The following DIAPH2 variants were observed in gnomAD, a reference collection of about 807,000 sequenced individuals.
The protein encoded by DIAPH2 is diaphanous related formin 2, also known as protein diaphanous homolog 2.
A neutral mutation model predicts 92.7 loss-of-function variants in DIAPH2; 35 were observed. That is an observed-to-expected ratio of 0.38 (90% CI 0.29 to 0.50). DIAPH2 has a LOEUF of 0.50. Among genes scored for constraint, DIAPH2 ranks in the 20% least tolerant of loss-of-function variants. DIAPH2 has a pLI of 0.94. For synonymous variants in DIAPH2, 301 were observed against 280.4 expected (o/e 1.07, Z -0.73); for missense variants, 701 against 819.5 (o/e 0.86, Z 1.77).
At chrX:97,459,444 A>G (rs1204038801) in intron 26 of DIAPH2, among the ~76,000 whole-genome samples, 1 of 112,251 alleles carries the variant, frequency 8.9e-6, no homozygotes, top group African/African-American at 3.2e-5. Context: ...TTTGAGAACT[A>G]TATGAGTTAA....
intron 4 of DIAPH2, among the ~76,000 whole-genome samples, chrX:96,820,338 T>C (rs1455920715): frequency 2.7e-5 from 3 of 111,216 alleles, no homozygotes; most frequent in Non-Finnish European, 3.8e-5. Flanking sequence ...GGCATGGCGG[T>C]GCACGCCTGT....
At chrX:96,886,833 G>C (rs1194411071) in intron 5 of DIAPH2, among the ~76,000 whole-genome samples, 1 of 110,585 alleles carries the variant, frequency 9.0e-6, no homozygotes, top group African/African-American at 3.3e-5. Flanking sequence ...ATAATTGCTT[G>C]AGCTGATTCA....
intron 21 of DIAPH2, among the ~76,000 whole-genome samples, chrX:97,139,476 G>A (rs1476382019): frequency 9.4e-6 from 1 of 106,234 alleles, no homozygotes; most frequent in Non-Finnish European, 1.9e-5. Flanking sequence ...AACAAATATT[G>A]CAATACATTA....
At chrX:97,438,815 T>A (rs1027613625) in intron 26 of DIAPH2, among the ~76,000 whole-genome samples, 3 of 112,269 alleles carry the variant, frequency 2.7e-5, no homozygotes, top group Admixed American at 9.4e-5. Flanking sequence ...CAGGAAACGC[T>A]AGACACACCA....
intron 17 of DIAPH2, among the ~76,000 whole-genome samples, chrX:97,031,936 T>C (rs893673585): frequency 4.5e-5 from 5 of 111,675 alleles, no homozygotes; most frequent in African/African-American, 1.6e-4. Context: ...CATTGAGGCA[T>C]GTGTTAAGGT....
chrX:97,063,592 T>A (rs1009561098), intron 17 of DIAPH2, among the ~76,000 whole-genome samples: 6 of 112,166 alleles, frequency 5.3e-5, no homozygotes, highest in African/African-American at 1.9e-4. Flanking sequence ...AGATAATTGA[T>A]CCCTGTAGGA....
At chrX:97,008,879 G>A (rs144561682) in intron 17 of DIAPH2, among the ~76,000 whole-genome samples, 2,804 of 111,273 alleles carry the variant, frequency 0.025, 100 homozygotes, top group African/African-American at 0.087. Flanking sequence ...AGACCTGAAG[G>A]CAGCAGAACA....
chrX:97,164,218 G>A (rs190266067), intron 22 of DIAPH2, among the ~76,000 whole-genome samples: 243 of 111,843 alleles, frequency 2.2e-3, no homozygotes, highest in Non-Finnish European at 4.2e-3. Context: ...AATACATGAA[G>A]TACAATGAAA....
chrX:96,831,554 T>C (rs1463094119), intron 4 of DIAPH2, among the ~76,000 whole-genome samples: 1 of 112,329 alleles, frequency 8.9e-6, no homozygotes, highest in African/African-American at 3.2e-5. Flanking sequence ...GATAATAAAA[T>C]GAACTTAACA....
intron 26 of DIAPH2, among the ~76,000 whole-genome samples, chrX:97,514,541 C>T (rs1473886241): frequency 7.1e-5 from 8 of 112,031 alleles, no homozygotes; most frequent in African/African-American, 2.0e-4. Context: ...AGCTTTGTTC[C>T]GTTGCTGGTG....
chrX:97,307,922 A>G (rs969304074), intron 23 of DIAPH2, among the ~76,000 whole-genome samples: 8 of 108,610 alleles, frequency 7.4e-5, no homozygotes, highest in African/African-American at 2.0e-4. Context: ...AAAAAAAAAA[A>G]AAAAGAAAAA....
At chrX:97,275,043 T>C (rs907097199) in intron 23 of DIAPH2, among the ~76,000 whole-genome samples, 5 of 112,056 alleles carry the variant, frequency 4.5e-5, no homozygotes, top group Non-Finnish European at 7.5e-5. Context: ...TCCACTTCTT[T>C]CTACACAGAC....
At chrX:97,120,300 A>G (rs2067047045) in intron 21 of DIAPH2, among the ~76,000 whole-genome samples, 1 of 109,918 alleles carries the variant, frequency 9.1e-6, no homozygotes, top group African/African-American at 3.3e-5. Flanking sequence ...TTCTCCCTCA[A>G]ACTAGACCTT....
intron 23 of DIAPH2, among the ~76,000 whole-genome samples, chrX:97,275,715 C>T (rs1191200285): frequency 6.2e-5 from 6 of 96,054 alleles, no homozygotes; most frequent in Admixed American, 1.2e-4. Context: ...ACATCTCAGA[C>T]GATGGGCGGC....
intron 17 of DIAPH2, among the ~76,000 whole-genome samples, chrX:96,999,426 G>A (rs1031489112): frequency 5.7e-5 from 6 of 104,402 alleles, no homozygotes; most frequent in African/African-American, 1.1e-4. Context: ...GCGTGATCCC[G>A]GGAGGCGGAG....
chrX:97,145,634 T>C (rs770643872), intron 22 of DIAPH2, among the ~76,000 whole-genome samples: 1 of 110,663 alleles, frequency 9.0e-6, no homozygotes, highest in Non-Finnish European at 1.9e-5. Flanking sequence ...TTCCTGCCAG[T>C]GTATTCAAAA....
At chrX:96,765,745 T>A (rs1006324695) in intron 4 of DIAPH2, among the ~76,000 whole-genome samples, 1 of 111,525 alleles carries the variant, frequency 9.0e-6, no homozygotes, top group African/African-American at 3.3e-5. Context: ...GGCTCCCTGT[T>A]GTCCTTTGTG....
At chrX:97,426,792 T>C (rs184705303) in intron 25 of DIAPH2, among the ~76,000 whole-genome samples, 16 of 112,318 alleles carry the variant, frequency 1.4e-4, no homozygotes, top group Non-Finnish European at 2.8e-4. Context: ...GAAGTAAATA[T>C]GTACTAGATT....
intron 21 of DIAPH2, among the ~76,000 whole-genome samples, chrX:97,117,381 T>A (rs1602353194): frequency 8.9e-6 from 1 of 112,109 alleles, no homozygotes; most frequent in East Asian, 2.8e-4. Context: ...CTAGAATTGC[T>A]GTTTAATTTC....
Sources: allele counts gnomAD v4.1 joint callset (sites outside exome capture counted in the v4.1 genomes callset), GRCh38; gene constraint gnomAD v4.1.1; transcripts MANE v1.5; gene names NCBI Gene and HGNC (gene_info 2026-07-23, HGNC 2026-07-21).